The following RALB variants were observed in gnomAD, a reference collection of about 807,000 sequenced individuals.
RALB encodes the protein ras-related protein Ral-B.
In RALB, 16 loss-of-function variants were observed where a neutral mutation model predicts 21.3. The observed-to-expected ratio is 0.75, with a 90% CI of 0.51 to 1.14. The LOEUF (loss-of-function observed/expected upper bound fraction) is 1.14, where lower values mean the gene tolerates loss of function less well. RALB is among the 50% of genes most tolerant of loss of function. The pLI, the probability that RALB is intolerant of heterozygous loss-of-function variation, is 0.00. For synonymous variants in RALB, 93 were observed against 96.1 expected (o/e 0.97, Z 0.19); for missense variants, 161 against 256.2 (o/e 0.63, Z 2.54).
At chr2:120,255,956 T>C (rs1230652088) in intron 1 of RALB, among the ~76,000 whole-genome samples, 1 of 107,488 alleles carries the variant, frequency 9.3e-6, no homozygotes, top group African/African-American at 3.7e-5. Context: ...GAAGGAAATA[T>C]AGTAGTTTGG....
chr2:120,261,668 G>A (rs11898472), intron 1 of RALB, among the ~76,000 whole-genome samples: 1 of 151,872 alleles, frequency 6.6e-6, no homozygotes, highest in Non-Finnish European at 1.5e-5. Context: ...AAAACAGTGA[G>A]TGAGATGGAG....
At chr2:120,240,553 C>G (rs1386067156) in intron 1 of RALB, among the ~76,000 whole-genome samples, 2 of 152,138 alleles carry the variant, frequency 1.3e-5, no homozygotes, top group Non-Finnish European at 2.9e-5. Flanking sequence ...CCTGCCTTGG[C>G]CTCCCAAAGT....
chr2:120,243,530 C>T (rs145165288), intron 1 of RALB, among the ~76,000 whole-genome samples: 1 of 152,286 alleles, frequency 6.6e-6, no homozygotes, highest in East Asian at 1.9e-4. Context: ...CAGCTGTCCT[C>T]ACTGGGGGAT....
At chr2:120,249,274 C>G (rs957512332), upstream of RALB, among the ~76,000 whole-genome samples, 5 of 152,150 alleles carry the variant, frequency 3.3e-5, no homozygotes, top group African/African-American at 1.2e-4. Context: ...ACCTCATGAT[C>G]CACCCACCTT....
chr2:120,244,087 CAGAG>C (rs896107850), intron 1 of RALB, among the ~76,000 whole-genome samples: 3 of 152,048 alleles, frequency 2.0e-5, no homozygotes, highest in South Asian at 2.1e-4. Flanking sequence ...CAACAGGAGA[CAGAG>C]AGAAAAGGGG....
intron 1 of RALB, among the ~76,000 whole-genome samples, chr2:120,254,829 C>A (rs961389068): frequency 2.6e-5 from 4 of 152,148 alleles, no homozygotes; most frequent in Admixed American, 2.6e-4. Context: ...TCTTGCACCA[C>A]CATGCCAAGC....
Position 120,278,736 on chromosome 2 carries a change from C to A in RALB, c.72C>A (p.Gly24=). ...LHKVIMVGSG[G]VGKSALTLQF... ...AGGTGATCATGGTTGGCAGCGGAGGCGTTGGCAAGTCAGCCCTGACGCTTC... is the reference window on the plus strand; with the variant it reads ...AGGTGATCATGGTTGGCAGCGGAGGAGTTGGCAAGTCAGCCCTGACGCTTC... Residue 24 remains glycine, a synonymous_variant, in exon 2 of 5, where the codon GGC becomes GGA. Coordinates refer to ENST00000272519, the MANE Select transcript of RALB (RefSeq NM_002881.3). The A allele has an allele frequency of 6.3e-7, 1 of 1,592,570 alleles. No individual in the cohort carries two copies. Among genetic ancestry groups the A allele is most frequent in the South Asian group, 1.1e-5 (1 of 88,120 alleles).
intron 2 of RALB, among the ~76,000 whole-genome samples, chr2:120,284,522 C>T (rs754658786): frequency 6.6e-6 from 1 of 152,168 alleles, no homozygotes; most frequent in Non-Finnish European, 1.5e-5. Flanking sequence ...CCTCAGCCTC[C>T]TGAGTAGCTG....
rs1467548437 is a variant in RALB at position 120,293,438 on chromosome 2, A to G, written c.*178A>G. On this transcript the variant is annotated 3_prime_UTR_variant, in exon 5 of 5. Transcript: ENST00000272519. ...TGTGGCTGGCAGAAGAAATAAGCCC[A>G]TGCAAGTGGAAGGGCTGCTTTGTCA... 5.7e-6 allele frequency: 3 copies of G among 522,562 alleles called. No individual in the cohort carries two copies. The highest frequency in any genetic ancestry group is 8.8e-6 in the Non-Finnish European group (3 of 339,202). 32.4% of individuals were successfully genotyped at this position (522,562 alleles called of 1,614,324 possible).
At chr2:120,268,009 C>G (rs1376807774) in intron 1 of RALB, among the ~76,000 whole-genome samples, 3 of 152,170 alleles carry the variant, frequency 2.0e-5, no homozygotes, top group Non-Finnish European at 2.9e-5. Context: ...CCGGGATGGT[C>G]TTGAGCTCCT....
intron 1 of RALB, among the ~76,000 whole-genome samples, chr2:120,271,104 A>C (rs1689654615): frequency 6.6e-6 from 1 of 152,182 alleles, no homozygotes; most frequent in Non-Finnish European, 1.5e-5. Flanking sequence ...ATGATACTGC[A>C]AGGTGGCATT....
chr2:120,259,216 G>A (rs1204379098), intron 1 of RALB, among the ~76,000 whole-genome samples: 2 of 152,138 alleles, frequency 1.3e-5, no homozygotes, highest in African/African-American at 2.4e-5. Flanking sequence ...GGACCCCAGC[G>A]AGTTGCCAAT....
chr2:120,254,047 G>A (rs558139330), intron 1 of RALB, among the ~76,000 whole-genome samples: 1 of 152,312 alleles, frequency 6.6e-6, no homozygotes, highest in Admixed American at 6.5e-5. Context: ...TAAACCTGGA[G>A]CAATAGAAGC....
chr2:120,247,978 A>G (rs1177193222), upstream of RALB, among the ~76,000 whole-genome samples: 1 of 152,178 alleles, frequency 6.6e-6, no homozygotes, highest in African/African-American at 2.4e-5. Flanking sequence ...CCTGCACGGG[A>G]ATGAGCCTGT....
chr2:120,259,175 T>C (rs4594445), intron 1 of RALB, among the ~76,000 whole-genome samples: 106,610 of 151,950 alleles, frequency 0.7, 37,943 homozygotes, highest in Middle Eastern at 0.8. Context: ...TTGCAAAGAG[T>C]GAAAGAACAA....
chr2:120,260,208 T>G (rs1422802022), intron 1 of RALB, among the ~76,000 whole-genome samples: 1 of 151,850 alleles, frequency 6.6e-6, no homozygotes, highest in African/African-American at 2.4e-5. Context: ...CGCAGTGCAG[T>G]GGGGGGACTG....
At chr2:120,291,298 TC>T (rs770813487) in intron 4 of RALB, among the ~76,000 whole-genome samples, 19 of 152,356 alleles carry the variant, frequency 1.2e-4, no homozygotes, top group Middle Eastern at 3.4e-3. Context: ...AAGCGCGTGT[TC>T]CGCCGTCAGC....
At chr2:120,241,316 A>G (rs1207218671) in intron 1 of RALB, among the ~76,000 whole-genome samples, 1 of 152,228 alleles carries the variant, frequency 6.6e-6, no homozygotes, top group Non-Finnish European at 1.5e-5. Flanking sequence ...TCAGGAGAGA[A>G]TCTAGTTCAC....
chr2:120,254,658 C>A (rs1309988090), intron 1 of RALB, among the ~76,000 whole-genome samples: 1 of 144,770 alleles, frequency 6.9e-6, no homozygotes, highest in African/African-American at 2.6e-5. Context: ...AAATTTTAAG[C>A]CTGAGAATTG....
Sources: gnomAD v4.1 joint callset for allele counts (sites outside exome capture counted in the v4.1 genomes callset) on GRCh38, gnomAD v4.1.1 for gene constraint, MANE v1.5 for transcripts, NCBI Gene and HGNC (gene_info 2026-07-23, HGNC 2026-07-21) for gene names.